Variants in DRC8 observed in about 807,000 individuals in gnomAD.
DRC8 encodes dynein regulatory complex protein 8.
the DRC8 span, among the ~76,000 whole-genome samples, chr1:245,037,621 A>G: frequency 6.6e-6 from 1 of 152,218 alleles, no homozygotes; most frequent in Admixed American, 6.5e-5. Flanking sequence ...GGTATTAAGC[A>G]ATATAATTAT....
chr1:245,065,142 G>T, the DRC8 span, among the ~76,000 whole-genome samples: 1 of 132,770 alleles, frequency 7.5e-6, no homozygotes, highest in Admixed American at 8.8e-5. Flanking sequence ...TGCCAGGCTG[G>T]TCTTGAACAC....
the DRC8 span, among the ~76,000 whole-genome samples, chr1:245,067,679 C>A: frequency 6.6e-6 from 1 of 151,892 alleles, no homozygotes; most frequent in African/African-American, 2.4e-5. Flanking sequence ...ACAAGATCCA[C>A]GTAATCTACA....
At chr1:245,005,257 T>A in the DRC8 span, among the ~76,000 whole-genome samples, 115 of 152,266 alleles carry the variant, frequency 7.6e-4, no homozygotes, top group Admixed American at 5.5e-3. Context: ...GTTTTTTTTT[T>A]AAATCATGTT....
the DRC8 span, among the ~76,000 whole-genome samples, chr1:245,043,586 G>A: frequency 6.6e-6 from 1 of 152,230 alleles, no homozygotes; most frequent in South Asian, 2.1e-4. Context: ...CGATTTAAAA[G>A]GAAGAAAATT....
chr1:245,076,471 A>G, the DRC8 span, among the ~76,000 whole-genome samples: 2 of 152,340 alleles, frequency 1.3e-5, no homozygotes, highest in East Asian at 3.9e-4. Context: ...TTTACTTTTC[A>G]TACCTAGTAC....
chr1:245,093,162 A>C, the DRC8 span, among the ~76,000 whole-genome samples: 1 of 152,084 alleles, frequency 6.6e-6, no homozygotes, highest in Non-Finnish European at 1.5e-5. Context: ...AATTGGAGAG[A>C]ACGTGCGCAT....
chr1:245,082,946 T>C, the DRC8 span, among the ~76,000 whole-genome samples: 1 of 152,124 alleles, frequency 6.6e-6, no homozygotes, highest in Admixed American at 6.6e-5. Flanking sequence ...TGACCTCAGA[T>C]GATCTGCCCA....
chr1:245,081,074 C>G, the DRC8 span, among the ~76,000 whole-genome samples: 1 of 151,480 alleles, frequency 6.6e-6, no homozygotes, highest in Non-Finnish European at 1.5e-5. Context: ...GGATGACTTC[C>G]CTGGTCTCCT....
At chr1:245,014,731 C>T in the DRC8 span, among the ~76,000 whole-genome samples, 1 of 152,158 alleles carries the variant, frequency 6.6e-6, no homozygotes, top group Non-Finnish European at 1.5e-5. Flanking sequence ...CAGTCCAGCT[C>T]TGCCACTCAA....
At chr1:245,080,449 G>A in the DRC8 span, among the ~76,000 whole-genome samples, 21 of 152,118 alleles carry the variant, frequency 1.4e-4, no homozygotes, top group Admixed American at 7.2e-4. Context: ...TACTTAATAC[G>A]TATTATGATG....
At chr1:245,104,489 T>G in the DRC8 span, among the ~76,000 whole-genome samples, 56 of 145,850 alleles carry the variant, frequency 3.8e-4, no homozygotes, top group Admixed American at 2.6e-3. Context: ...GGGGGACAGA[T>G]CGAGACTCTG....
At chr1:245,033,346 G>A in the DRC8 span, among the ~76,000 whole-genome samples, 2 of 152,308 alleles carry the variant, frequency 1.3e-5, no homozygotes, top group Admixed American at 6.5e-5. Flanking sequence ...GTATTCTGCC[G>A]AGTTCTCCTC....
chr1:245,120,525 A>G, the DRC8 span, among the ~76,000 whole-genome samples: 1 of 152,244 alleles, frequency 6.6e-6, no homozygotes, highest in Non-Finnish European at 1.5e-5. Flanking sequence ...CAGAACAGAA[A>G]TTCGAGTTTA....
At chr1:245,035,934 C>A in the DRC8 span, among the ~76,000 whole-genome samples, 1 of 151,332 alleles carries the variant, frequency 6.6e-6, no homozygotes, top group Non-Finnish European at 1.5e-5. Flanking sequence ...ATCGTAAGAC[C>A]CTTAGAAGAA....
chr1:245,025,923 C>T, the DRC8 span, among the ~76,000 whole-genome samples: 5 of 152,182 alleles, frequency 3.3e-5, no homozygotes, highest in South Asian at 2.1e-4. Flanking sequence ...GATTGTGAGG[C>T]CTCCCCAGCC....
chr1:244,987,054 G>A, the DRC8 span, among the ~76,000 whole-genome samples: 1 of 152,102 alleles, frequency 6.6e-6, no homozygotes, highest in East Asian at 1.9e-4. Flanking sequence ...CTAAGTTTTA[G>A]CACTGATCTG....
chr1:244,978,799 AT>A, the DRC8 span, among the ~76,000 whole-genome samples: 1 of 151,910 alleles, frequency 6.6e-6, no homozygotes, highest in Non-Finnish European at 1.5e-5. Context: ...CCATAATTTT[AT>A]TTTTTTAAAT....
chr1:245,015,119 A>G, the DRC8 span, among the ~76,000 whole-genome samples: 1 of 151,968 alleles, frequency 6.6e-6, no homozygotes, highest in Non-Finnish European at 1.5e-5. Flanking sequence ...ACATTTTGAC[A>G]CCTTTTTCTT....
chr1:244,970,543 G>A, the DRC8 span: 3 of 1,437,122 alleles, frequency 2.1e-6, no homozygotes, highest in East Asian at 5.8e-5. Context: ...TCCATCTGGA[G>A]TTCCCACCCG....
Sources: gnomAD v4.1 joint callset for allele counts (sites outside exome capture counted in the v4.1 genomes callset) on GRCh38, gnomAD v4.1.1 for gene constraint, MANE v1.5 for transcripts, NCBI Gene and HGNC (gene_info 2026-07-23, HGNC 2026-07-21) for gene names.